The following CSMD2 variants were observed in gnomAD, a reference collection of about 807,000 sequenced individuals.
CSMD2 encodes the protein CUB and Sushi multiple domains 2, also known as CUB and sushi domain-containing protein 2.
CSMD2 carries 130 observed loss-of-function variants against 398.5 expected under a neutral mutation model. That is an observed-to-expected ratio of 0.33 (90% confidence interval 0.28 to 0.38). The LOEUF (loss-of-function observed/expected upper bound fraction) is 0.38, where lower values mean the gene tolerates loss of function less well. Ranked by LOEUF, CSMD2 falls within the 10% of genes least tolerant of loss-of-function variation. The probability of loss-of-function intolerance (pLI) is 1.00; values close to 1 mark genes in which losing one functional copy is unlikely to be tolerated. For synonymous variants in CSMD2, 1,828 were observed against 1,908.5 expected, an observed-to-expected ratio of 0.96 and a Z score of 1.10; for missense variants, 3,829 against 4,764.9, an observed-to-expected ratio of 0.80 and a Z score of 5.78.
chr1:33,925,781 C>G (rs1210607596), intron 4 of CSMD2, among the ~76,000 whole-genome samples: 3 of 152,052 alleles, frequency 2.0e-5, no homozygotes, highest in African/African-American at 7.2e-5. Context: ...CTTACAGGGC[C>G]TTGCCTCATG....
At chr1:34,046,239 T>C (rs1263945365) in intron 2 of CSMD2, among the ~76,000 whole-genome samples, 1 of 152,240 alleles carries the variant, frequency 6.6e-6, no homozygotes, top group Non-Finnish European at 1.5e-5. Context: ...TTTGAGAATC[T>C]TTGCAATGAC....
At chr1:33,538,767 C>T (rs890366198) in intron 60 of CSMD2, among the ~76,000 whole-genome samples, 1 of 152,150 alleles carries the variant, frequency 6.6e-6, no homozygotes, top group Non-Finnish European at 1.5e-5. Context: ...TAAAGCTCCT[C>T]AGGCTGGTAA....
At chr1:33,726,286 G>A (rs1312409836) in intron 16 of CSMD2, among the ~76,000 whole-genome samples, 1 of 152,148 alleles carries the variant, frequency 6.6e-6, no homozygotes, top group Non-Finnish European at 1.5e-5. Flanking sequence ...GGGGGCTGGG[G>A]AGGGGGGAGC....
chr1:33,764,864 T>C (rs544217123), intron 13 of CSMD2, among the ~76,000 whole-genome samples: 35 of 152,310 alleles, frequency 2.3e-4, no homozygotes, highest in African/African-American at 7.9e-4. Flanking sequence ...TGGGATTGTA[T>C]GTTTACAGGG....
chr1:33,818,284 C>A (rs1212058314), intron 9 of CSMD2, among the ~76,000 whole-genome samples: 1 of 152,204 alleles, frequency 6.6e-6, no homozygotes, highest in Admixed American at 6.5e-5. Flanking sequence ...ATGAGTCATT[C>A]ATTCCGTCAT....
At chr1:34,152,501 T>C (rs1224348683) in intron 1 of CSMD2, among the ~76,000 whole-genome samples, 1 of 152,132 alleles carries the variant, frequency 6.6e-6, no homozygotes, top group Non-Finnish European at 1.5e-5. Flanking sequence ...CCTTCTTTGG[T>C]GAGCAAACCT....
intron 68 of CSMD2, among the ~76,000 whole-genome samples, chr1:33,520,652 G>C (rs546791435): frequency 6.6e-6 from 1 of 152,246 alleles, no homozygotes; most frequent in South Asian, 2.1e-4. Context: ...GACAACTCCG[G>C]GGGAGGAGCA....
chr1:33,736,373 T>C (rs1303710062), intron 15 of CSMD2, among the ~76,000 whole-genome samples: 1 of 151,352 alleles, frequency 6.6e-6, no homozygotes, highest in African/African-American at 2.4e-5. Context: ...CCCAGCTACT[T>C]GGGAGGCTGA....
intron 3 of CSMD2, among the ~76,000 whole-genome samples, chr1:33,946,184 TTGACTACATAATCAC>T (rs1182584507): frequency 6.6e-6 from 1 of 152,198 alleles, no homozygotes; most frequent in African/African-American, 2.4e-5. Flanking sequence ...TTCCAAAAAT[TTGACTACATAATCAC>T]TGCCCTGACT....
intron 44 of CSMD2, among the ~76,000 whole-genome samples, chr1:33,598,529 C>T (rs955419100): frequency 2.0e-5 from 3 of 152,132 alleles, no homozygotes; most frequent in Admixed American, 6.6e-5. Flanking sequence ...TTATTTATCA[C>T]AGTTCTAGAG....
At chr1:33,920,961 G>T (rs1189009116) in intron 4 of CSMD2, among the ~76,000 whole-genome samples, 3 of 152,158 alleles carry the variant, frequency 2.0e-5, no homozygotes, top group Non-Finnish European at 4.4e-5. Context: ...GGTGTTTTAG[G>T]CAGAAAAACA....
intron 5 of CSMD2, among the ~76,000 whole-genome samples, chr1:33,847,663 T>G (rs947530257): frequency 3.3e-5 from 5 of 152,194 alleles, no homozygotes; most frequent in Admixed American, 6.5e-5. Flanking sequence ...AAATTATAAT[T>G]CAGTTATAGA....
chr1:33,620,806 C>CAT (rs1553157196), intron 37 of CSMD2, among the ~76,000 whole-genome samples: 2 of 91,946 alleles, frequency 2.2e-5, no homozygotes, highest in African/African-American at 9.0e-5. Flanking sequence ...TGTCCTGGGT[C>CAT]TTTTTTTTTT....
In CSMD2 at chr1:33,519,488, G is replaced by A. The variant is rs140074927; in HGVS notation, c.*30C>T. The A allele has an allele frequency of 6.9e-5, 111 of 1,606,756 alleles. No homozygotes were observed. The African/African-American group carries it at 1.1e-3, about 15-fold the overall frequency. ...ACCGGCTGCTGGAGGCGGGGCTCTC[G>A]GTGGCGGTGGTGGCGGCCAGGCCGG... On this transcript the variant is annotated 3_prime_UTR_variant, in exon 70 of 71. Coordinates refer to ENST00000373381, the MANE Select transcript of CSMD2 (RefSeq NM_001281956.2). This position sits in a 1 kb window ranked among gnomAD's most constrained non-coding sequence, Gnocchi z 5.6.
At chr1:33,709,496 C>T (rs1462885946) in intron 21 of CSMD2, 5 of 522,912 alleles carry the variant, frequency 9.6e-6, no homozygotes, top group Non-Finnish European at 1.7e-5. Context: ...TGCTGTTTGT[C>T]TGTCTCTCTC....
intron 10 of CSMD2, among the ~76,000 whole-genome samples, chr1:33,801,807 A>G (rs1034912414): frequency 6.6e-6 from 1 of 152,182 alleles, no homozygotes; most frequent in African/African-American, 2.4e-5. Context: ...ATGTGCCCAG[A>G]CAGGTCTTAA....
chr1:33,979,750 G>A (rs1646098168), intron 3 of CSMD2, among the ~76,000 whole-genome samples: 2 of 152,098 alleles, frequency 1.3e-5, no homozygotes, highest in Non-Finnish European at 2.9e-5. Context: ...AGTGTGACTG[G>A]ATGTCTCAGA....
At position 33,623,327 on chromosome 1, in the gene CSMD2, T is replaced by G. The variant is rs112848588; in HGVS notation, c.5722+43A>C. 2.0e-3 allele frequency: 2,479 copies of G among 1,248,878 alleles called. 37 individuals carry two copies. The African/African-American group carries it at 0.033, about 17-fold the overall frequency. 77.4% of individuals were successfully genotyped at this position (1,248,878 alleles called of 1,614,324 possible). A position where few individuals can be genotyped will look rare whatever the true frequency, so the allele number is the denominator to read the frequency against. ...TAACAATGTTCATGATGATGAGCTC[T>G]AGTACTACCCTCCAAATTGAAGCCC... On this transcript the variant is annotated intron_variant, in intron 36 of 70. Coordinates refer to ENST00000373381, the MANE Select transcript of CSMD2 (RefSeq NM_001281956.2).
Position 33,825,669 on chromosome 1 carries a change from G to A in CSMD2, c.1111+28C>T, listed in dbSNP as rs1330384655. 5 of 1,604,660 alleles carry A rather than the reference G, an allele frequency of 3.1e-6. No individual in the cohort carries two copies. In the East Asian group the frequency reaches 1.1e-4, roughly 36 times the overall value. The stretch of plus-strand genomic sequence containing the variant: ...CGTGTGACCTCAAGCAAGAGGCCCG[G>A]CAGGCGGGCTGGCGGGCGGACACTT... On this transcript the variant is annotated intron_variant, in intron 7 of 70. Coordinates refer to ENST00000373381, the MANE Select transcript of CSMD2 (RefSeq NM_001281956.2).
Sources: allele counts gnomAD v4.1 joint callset (sites outside exome capture counted in the v4.1 genomes callset), GRCh38; gene constraint gnomAD v4.1.1; non-coding constraint Gnocchi (gnomAD v3.1); transcripts MANE v1.5; gene names NCBI Gene and HGNC (gene_info 2026-07-23, HGNC 2026-07-21).